STAT5B: variants seen among roughly 807,000 people sequenced by gnomAD.
The protein encoded by STAT5B is transcription factor STAT5B.
A neutral mutation model predicts 107.8 loss-of-function variants in STAT5B; 21 were observed. That is an observed-to-expected ratio of 0.19 (90% CI 0.14 to 0.28). STAT5B has a LOEUF of 0.28. Among genes scored for constraint, STAT5B ranks in the 10% least tolerant of loss-of-function variants. The pLI, the probability that STAT5B is intolerant of heterozygous loss-of-function variation, is 1.00. For missense variants in STAT5B, 565 were observed against 1,008.2 expected (o/e 0.56, Z 5.95); for synonymous variants, 325 against 401.7 (o/e 0.81, Z 2.28).
chr17:42,221,540 T>C (rs1234570810), intron 5 of STAT5B, among the ~76,000 whole-genome samples: 1 of 152,218 alleles, frequency 6.6e-6, no homozygotes, highest in Admixed American at 6.5e-5. Flanking sequence ...TCCGCCACCA[T>C]GCACAGGAAA....
At chr17:42,232,529 G>A (rs931300276) in intron 1 of STAT5B, among the ~76,000 whole-genome samples, 18 of 152,100 alleles carry the variant, frequency 1.2e-4, no homozygotes, top group Non-Finnish European at 2.2e-4. Context: ...GATTACAGGC[G>A]TGAGCCACCA....
chr17:42,256,824 T>C (rs2080549226), intron 1 of STAT5B, among the ~76,000 whole-genome samples: 2 of 123,106 alleles, frequency 1.6e-5, no homozygotes, highest in Admixed American at 2.1e-4. Context: ...ATTGCGCCAC[T>C]GCACTCCAGC....
intron 7 of STAT5B, 77 bp from the exon 8 acceptor site, chr17:42,218,955 G>A (rs1170805873): frequency 1.0e-4 from 166 of 1,611,388 alleles, no homozygotes; most frequent in Non-Finnish European, 1.3e-4. Context: ...CACAGCTCCC[G>A]TTCCCCCAGG....
At position 42,217,219 on chromosome 17, in the gene STAT5B, TA is replaced by T; in HGVS notation, c.1320del (p.Phe440LeufsTer29). The T allele has an allele frequency of 6.2e-7, 1 of 1,614,198 alleles. No individual in the cohort carries two copies. The highest frequency in any genetic ancestry group is 8.5e-7 in the Non-Finnish European group (1 of 1,180,034). On this transcript the variant is annotated frameshift_variant, in exon 11 of 19. Coordinates refer to ENST00000293328, the MANE Select transcript of STAT5B (RefSeq NM_012448.4). LOFTEE classifies it high-confidence loss of function. The stretch of plus-strand genomic sequence containing the variant: ...CTGAACTGGGATTCAAACAGGATTG[TA>T]AATTTTTCTTCTGTCACCGACTCTG... ...RGAESVTEEK[F>X]TILFESQFSV...
chr17:42,250,627 T>C (rs747359671), intron 1 of STAT5B, among the ~76,000 whole-genome samples: 4 of 152,222 alleles, frequency 2.6e-5, no homozygotes, highest in Middle Eastern at 3.4e-3. Flanking sequence ...GGTTTACTTA[T>C]TGAAAATCAT....
intron 2 of STAT5B, among the ~76,000 whole-genome samples, chr17:42,230,200 CCTTT>C (rs2080306365): frequency 6.6e-6 from 1 of 152,020 alleles, no homozygotes; most frequent in Admixed American, 6.6e-5. Context: ...TAGAAAATTG[CCTTT>C]CTTTGGTGAT....
intron 1 of STAT5B, among the ~76,000 whole-genome samples, chr17:42,255,870 C>T (rs1459018962): frequency 6.6e-6 from 1 of 152,142 alleles, no homozygotes; most frequent in African/African-American, 2.4e-5. Flanking sequence ...GGCGGTTCAC[C>T]TAAGGTCAGG....
At chr17:42,275,008 C>A (rs1227138609) in intron 1 of STAT5B, 3 of 152,208 alleles carry the variant, frequency 2.0e-5, no homozygotes, top group African/African-American at 7.2e-5. Context: ...CCTGAGGACA[C>A]TGCAGAGAAA....
At chr17:42,222,903 C>T (rs968939277) in intron 5 of STAT5B, among the ~76,000 whole-genome samples, 1 of 151,634 alleles carries the variant, frequency 6.6e-6, no homozygotes, top group East Asian at 1.9e-4. Context: ...AGGCTGGTCT[C>T]GAACTCCTGA....
At chr17:42,283,801 T>A in the STAT5B span, among the ~76,000 whole-genome samples, 1 of 152,214 alleles carries the variant, frequency 6.6e-6, no homozygotes, top group South Asian at 2.1e-4. Context: ...GGGGGTGGCA[T>A]TTCTATAGGG....
rs150261302 is a variant in STAT5B at position 42,212,698 on chromosome 17, G to A, written c.1474-508C>T. The stretch of plus-strand genomic sequence containing the variant: ...AAGAGTGGAAATTTTGAGTTGGATG[G>A]CTTTATTGAGAAATAGGTTAGAAGA... On this transcript the variant is annotated intron_variant, in intron 12 of 18. Transcript: ENST00000293328. Among the ~76,000 whole-genome samples the A allele has an allele frequency of 5.0e-4, 76 of 152,332 alleles. No homozygotes were observed. The East Asian group carries it at 8.3e-3, about 17-fold the overall frequency.
intron 16 of STAT5B, among the ~76,000 whole-genome samples, chr17:42,204,984 ATG>A (rs2080074445): frequency 6.6e-6 from 1 of 152,176 alleles, no homozygotes; most frequent in South Asian, 2.1e-4. Flanking sequence ...AGTCATCAAA[ATG>A]AGGTTGGAAG....
chr17:42,217,338 C>T (rs1440499287), intron 10 of STAT5B, 39 bp downstream of exon 10: 1 of 1,614,180 alleles, frequency 6.2e-7, no homozygotes, highest in Admixed American at 1.7e-5. Flanking sequence ...CCCTCAAAGA[C>T]CAGGGAAAAA....
intron 12 of STAT5B, among the ~76,000 whole-genome samples, chr17:42,213,285 C>A (rs548594625): frequency 2.6e-4 from 39 of 152,212 alleles, no homozygotes; most frequent in African/African-American, 9.2e-4. Flanking sequence ...TGGCTCATTG[C>A]AACTTCTGCC....
In STAT5B at chr17:42,262,785, TACACATATATATGTGTGTATATATAC is replaced by T. The variant is rs1314083086; in HGVS notation, c.-11+13437_-11+13462del. Among the ~76,000 whole-genome samples the T allele has an allele frequency of 6.3e-5, 8 of 126,504 alleles. No individual in the cohort carries two copies. The East Asian group carries it at 9.7e-4, about 15-fold the overall frequency. 83.0% of individuals were successfully genotyped at this position (126,504 alleles called of 152,430 possible). On this transcript the variant is annotated intron_variant, in intron 1 of 18. Coordinates refer to ENST00000293328, the MANE Select transcript of STAT5B (RefSeq NM_012448.4). ...ATATATATACATATATGTATATATA[TACACATATATATGTGTGTATATATAC>T]ACACATATATATGTGTATATATACA...
At chr17:42,224,713 G>T in intron 4 of STAT5B, 66 bp downstream of exon 4, 1 of 1,511,866 alleles carries the variant, frequency 6.6e-7, no homozygotes, top group Non-Finnish European at 9.2e-7. Flanking sequence ...GACAAAGGTG[G>T]GTCCAGAGGG....
At chr17:42,277,094 A>G (rs2080773118), upstream of STAT5B, among the ~76,000 whole-genome samples, 1 of 152,200 alleles carries the variant, frequency 6.6e-6, no homozygotes, top group Admixed American at 6.5e-5. Context: ...TAGAGAAGAA[A>G]GAATAAACAG....
At chr17:42,254,396 C>T (rs1015862862) in intron 1 of STAT5B, among the ~76,000 whole-genome samples, 2 of 152,058 alleles carry the variant, frequency 1.3e-5, no homozygotes, top group African/African-American at 4.8e-5. Flanking sequence ...GCCCAAGATC[C>T]TGCTTTAAAG....
intron 1 of STAT5B, among the ~76,000 whole-genome samples, chr17:42,257,710 G>A (rs2080558425): frequency 6.6e-6 from 1 of 151,996 alleles, no homozygotes; most frequent in African/African-American, 2.4e-5. Context: ...ATTCACAATG[G>A]GACCACACAC....
Sources: gnomAD v4.1 joint callset for allele counts (sites outside exome capture counted in the v4.1 genomes callset) on GRCh38, gnomAD v4.1.1 for gene constraint, MANE v1.5 for transcripts, NCBI Gene and HGNC (gene_info 2026-07-23, HGNC 2026-07-21) for gene names.